Variants in GTF2A1 observed in about 807,000 individuals in gnomAD.
GTF2A1 encodes general transcription factor IIA subunit 1.
A neutral mutation model predicts 54.1 loss-of-function variants in GTF2A1; 12 were observed. The observed-to-expected ratio is 0.22, with a 90% confidence interval of 0.14 to 0.36. The LOEUF is 0.36. Ranked by LOEUF, GTF2A1 falls within the 10% of genes least tolerant of loss-of-function variation. The pLI is 1.00. For missense variants in GTF2A1, 335 were observed against 442.2 expected, an observed-to-expected ratio of 0.76 and a Z score of 2.17; for synonymous variants, 145 against 152.0, an observed-to-expected ratio of 0.95 and a Z score of 0.34.
At chr14:81,218,092 T>C (rs947695640) in intron 1 of GTF2A1, among the ~76,000 whole-genome samples, 4 of 72,228 alleles carry the variant, frequency 5.5e-5, no homozygotes, top group African/African-American at 3.2e-4. Context: ...CTCTATAAAG[T>C]GCTTTTTTTT....
At chr14:81,180,949 G>A (rs1191573886) in intron 8 of GTF2A1, among the ~76,000 whole-genome samples, 2 of 152,004 alleles carry the variant, frequency 1.3e-5, no homozygotes, top group Non-Finnish European at 2.9e-5. Flanking sequence ...TACAATTATG[G>A]ACTCATTTCT....
At chr14:81,193,926 C>T (rs995877721) in intron 6 of GTF2A1, among the ~76,000 whole-genome samples, 15 of 152,238 alleles carry the variant, frequency 9.9e-5, no homozygotes, top group African/African-American at 3.6e-4. Context: ...ATAGACAAAG[C>T]ACTAACAACT....
chr14:81,218,711 C>T (rs1430547467), intron 1 of GTF2A1, among the ~76,000 whole-genome samples: 1 of 151,650 alleles, frequency 6.6e-6, no homozygotes, highest in East Asian at 1.9e-4. Flanking sequence ...ATGTTAATTC[C>T]CTGATGCAAT....
chr14:81,189,515 CA>C (rs1348124565), intron 7 of GTF2A1, among the ~76,000 whole-genome samples: 1 of 151,934 alleles, frequency 6.6e-6, no homozygotes, highest in Non-Finnish European at 1.5e-5. Context: ...ACTAAAAATA[CA>C]AAAAATTAGC....
At chr14:81,209,672 A>T (rs1893318584) in intron 2 of GTF2A1, among the ~76,000 whole-genome samples, 1 of 152,168 alleles carries the variant, frequency 6.6e-6, no homozygotes, top group Non-Finnish European at 1.5e-5. Flanking sequence ...TATAACTTGT[A>T]CTCTATTTTC....
At chr14:81,191,180 G>A (rs1463078685) in intron 7 of GTF2A1, among the ~76,000 whole-genome samples, 2 of 152,056 alleles carry the variant, frequency 1.3e-5, no homozygotes, top group African/African-American at 4.8e-5. Flanking sequence ...GCAAAAATCA[G>A]GAAGCCTGAC....
At position 81,188,598 on chromosome 14, in the gene GTF2A1, C is replaced by T. The variant is rs532229072; in HGVS notation, c.934-2978G>A. On this transcript the variant is annotated intron_variant, in intron 7 of 8. Transcript: ENST00000553612. Reference sequence around the variant, plus strand: ...TATCCTGGCTAACACAGTGAAACCCCGTCTCTACTAAAAAAAAAAATACAA... The same window carrying T: ...TATCCTGGCTAACACAGTGAAACCCTGTCTCTACTAAAAAAAAAAATACAA... Among the ~76,000 whole-genome samples the T allele has an allele frequency of 1.3e-4, 19 of 151,692 alleles. No individual in the cohort carries two copies. The South Asian group carries it at 3.6e-3, about 28-fold the overall frequency.
In GTF2A1 at chr14:81,220,379, G is replaced by A. The variant is rs533349782; in HGVS notation, c.30+110C>T. The A allele has an allele frequency of 2.3e-3, 1,256 of 551,088 alleles. 13 individuals carry two copies. Among genetic ancestry groups the A allele is most frequent in the East Asian group, 0.019 (505 of 26,456 alleles). 34.1% of individuals were successfully genotyped at this position (551,088 alleles called of 1,614,324 possible). A position where few individuals can be genotyped will look rare whatever the true frequency, so the allele number is the denominator to read the frequency against. On this transcript the variant is annotated intron_variant, in intron 1 of 8. Coordinates refer to ENST00000553612, the MANE Select transcript of GTF2A1 (RefSeq NM_015859.4). ...AAGCGGCGGCGGCGGCGGCCGCGCG[G>A]GCGGCTGAAGAGTCGAGGCCGGGAG...
At position 81,177,813 on chromosome 14, in the gene GTF2A1, C is replaced by CT. The variant is rs1456952006; in HGVS notation, c.*2409dup. ...CAATAAAAGATAAGCAAGTGACATT[C>CT]TTACAGCAAAAGCTACTATAATAAA... is the stretch of plus-strand genomic sequence containing the variant. On this transcript the variant is annotated 3_prime_UTR_variant, in exon 9 of 9. Coordinates refer to ENST00000553612, the MANE Select transcript of GTF2A1 (RefSeq NM_015859.4). 6.6e-6 allele frequency: 1 copy of CT among 152,050 alleles called. No individual in the cohort carries two copies. The highest frequency in any genetic ancestry group is 2.4e-5 in the African/African-American group (1 of 41,440). The allele number at this position is 152,050 out of a possible 1,614,324, so 9.4% of individuals were successfully genotyped here.
chr14:81,186,952 A>G (rs1191158784), intron 7 of GTF2A1, among the ~76,000 whole-genome samples: 1 of 127,100 alleles, frequency 7.9e-6, no homozygotes, highest in African/African-American at 2.5e-5. Flanking sequence ...TATATCAACA[A>G]TAAGAACAAA....
intron 1 of GTF2A1, among the ~76,000 whole-genome samples, chr14:81,216,977 C>A (rs983244004): frequency 2.6e-5 from 4 of 152,168 alleles, no homozygotes; most frequent in African/African-American, 7.2e-5. Context: ...GTTTAAAAAT[C>A]ACCTAACTTC....
chr14:81,177,884 T>C lies in GTF2A1; in HGVS notation c.*2339A>G, dbSNP rs1892560630. ...TAAAAAGGACACGATGCAAATAATA[T>C]ATAAGAGCACAATTTGGTATGCAAT... is the stretch of plus-strand genomic sequence containing the variant. On this transcript the variant is annotated 3_prime_UTR_variant, in exon 9 of 9. Coordinates refer to ENST00000553612, the MANE Select transcript of GTF2A1 (RefSeq NM_015859.4). 1 of 152,064 alleles carries C rather than the reference T, an allele frequency of 6.6e-6. No homozygotes were observed. Among genetic ancestry groups the C allele is most frequent in the Non-Finnish European group, 1.5e-5 (1 of 67,956 alleles). The allele number at this position is 152,064 out of a possible 1,614,324, so 9.4% of individuals were successfully genotyped here. A position where few individuals can be genotyped will look rare whatever the true frequency, so the allele number is the denominator to read the frequency against.
chr14:81,175,643 T>C lies in GTF2A1; in HGVS notation c.*4580A>G, dbSNP rs912375358. On this transcript the variant is annotated 3_prime_UTR_variant, in exon 9 of 9. Transcript: ENST00000553612. ...CTAAAATAACACAAAATATATTCAATACGCAATACAAACCTCAGTAATCCA... is the reference window on the plus strand; with the variant it reads ...CTAAAATAACACAAAATATATTCAACACGCAATACAAACCTCAGTAATCCA... 4 of 152,180 alleles carry C rather than the reference T, an allele frequency of 2.6e-5. No individual in the cohort carries two copies. Among genetic ancestry groups the C allele is most frequent in the South Asian group, 4.1e-4 (2 of 4,832 alleles). The allele number at this position is 152,180 out of a possible 1,614,324, so 9.4% of individuals were successfully genotyped here.
At chr14:81,201,969 G>A (rs1893121506) in intron 3 of GTF2A1, among the ~76,000 whole-genome samples, 3 of 152,018 alleles carry the variant, frequency 2.0e-5, no homozygotes. Context: ...AGACCAGACT[G>A]GCCAATATGG....
intron 7 of GTF2A1, among the ~76,000 whole-genome samples, chr14:81,185,920 T>C (rs1489099428): frequency 6.6e-6 from 1 of 152,242 alleles, no homozygotes; most frequent in Non-Finnish European, 1.5e-5. Context: ...TGGTGCAATC[T>C]CGGCTCACTG....
Position 81,216,351 on chromosome 14 carries a change from C to T in GTF2A1, c.132+62G>A, listed in dbSNP as rs140329119. 953 of 749,822 alleles carry T rather than the reference C, an allele frequency of 1.3e-3. 3 individuals are homozygous for T. In the African/African-American group the frequency reaches 0.015, roughly 12 times the overall value. 46.4% of individuals were successfully genotyped at this position (749,822 alleles called of 1,614,324 possible). On this transcript the variant is annotated intron_variant, in intron 2 of 8. Transcript: ENST00000553612. ...TATAGAAAAATTACAGATTCATCTCCGGCTAAAGAAAATGTTTTGTGGGGG... is the reference window on the plus strand; with the variant it reads ...TATAGAAAAATTACAGATTCATCTCTGGCTAAAGAAAATGTTTTGTGGGGG...
chr14:81,192,267 A>G (rs1892891061), intron 7 of GTF2A1, among the ~76,000 whole-genome samples: 1 of 152,324 alleles, frequency 6.6e-6, no homozygotes, highest in South Asian at 2.1e-4. Context: ...TTTACTACAC[A>G]TATTAATACA....
chr14:81,220,147 C>T (rs561565281), intron 1 of GTF2A1, among the ~76,000 whole-genome samples: 2 of 151,142 alleles, frequency 1.3e-5, no homozygotes, highest in East Asian at 3.9e-4. Context: ...CGGGGGGAAG[C>T]GGCGGCTCCC....
chr14:81,217,347 T>G (rs958396547), intron 1 of GTF2A1, among the ~76,000 whole-genome samples: 1 of 152,194 alleles, frequency 6.6e-6, no homozygotes, highest in African/African-American at 2.4e-5. Context: ...ATTAGCCCAA[T>G]CCACATCCTA....
Sources: gnomAD v4.1 joint callset for allele counts (sites outside exome capture counted in the v4.1 genomes callset) on GRCh38, gnomAD v4.1.1 for gene constraint, MANE v1.5 for transcripts, NCBI Gene and HGNC (gene_info 2026-07-23, HGNC 2026-07-21) for gene names.